SGMS1: variants seen among roughly 807,000 people sequenced by gnomAD.
SGMS1 encodes the protein phosphatidylcholine:ceramide cholinephosphotransferase 1.
A neutral mutation model predicts 46.2 loss-of-function variants in SGMS1; 13 were observed. The observed-to-expected ratio is 0.28, with a 90% CI of 0.18 to 0.45. The LOEUF is 0.45. Among genes scored for constraint, SGMS1 ranks in the 20% least tolerant of loss-of-function variants. SGMS1 has a pLI of 1.00. For missense variants in SGMS1, 324 were observed against 519.9 expected (o/e 0.62, Z 3.66); for synonymous variants, 203 against 187.8 (o/e 1.08, Z -0.66).
chr10:50,308,467 T>C (rs760904115), intron 9 of SGMS1, among the ~76,000 whole-genome samples: 15 of 152,178 alleles, frequency 9.9e-5, no homozygotes, highest in African/African-American at 1.2e-4. Context: ...AAACTGTCCA[T>C]TGACATTTAA....
rs550893662 is a variant in SGMS1, at chr10:50,386,235, T to C, written c.-231-41890A>G. ...TCTGCATGAAGAATTATAAAACTAA[T>C]TATTGTGTCGCAGCCTTTCTGGATT... is the stretch of plus-strand genomic sequence containing the variant. On this transcript the variant is annotated intron_variant, in intron 6 of 10. Transcript: ENST00000361781. Among the ~76,000 whole-genome samples, 10 of 152,286 alleles carry C rather than the reference T, an allele frequency of 6.6e-5. No homozygotes were observed. In the South Asian group the frequency reaches 2.1e-3, roughly 32 times the overall value.
chr10:50,374,370 C>G (rs1009146150), intron 6 of SGMS1, among the ~76,000 whole-genome samples: 1 of 152,124 alleles, frequency 6.6e-6, no homozygotes, highest in African/African-American at 2.4e-5. Context: ...CTGTCATTTG[C>G]TCTGGCAAAG....
chr10:50,355,039 C>G (rs1259248645), intron 6 of SGMS1, among the ~76,000 whole-genome samples: 4 of 152,186 alleles, frequency 2.6e-5, no homozygotes, highest in Non-Finnish European at 5.9e-5. Flanking sequence ...TGTGATGATT[C>G]CTCAGGGATC....
intron 3 of SGMS1, among the ~76,000 whole-genome samples, chr10:50,517,913 T>C (rs1034095396): frequency 6.6e-6 from 1 of 152,078 alleles, no homozygotes; most frequent in Admixed American, 6.6e-5. Flanking sequence ...CTAAGAGCTG[T>C]AAGAGTGAAA....
intron 2 of SGMS1, among the ~76,000 whole-genome samples, chr10:50,589,098 T>C (rs1193362733): frequency 6.6e-6 from 1 of 152,060 alleles, no homozygotes; most frequent in Non-Finnish European, 1.5e-5. Flanking sequence ...GACCTAACCA[T>C]GAAACATCAG....
chr10:50,489,345 C>T (rs563368730), intron 3 of SGMS1, among the ~76,000 whole-genome samples: 2 of 152,336 alleles, frequency 1.3e-5, no homozygotes, highest in African/African-American at 4.8e-5. Flanking sequence ...CATGTGGATG[C>T]TTTCAAATGA....
At chr10:50,521,724 T>C (rs1837858233) in intron 2 of SGMS1, among the ~76,000 whole-genome samples, 1 of 152,202 alleles carries the variant, frequency 6.6e-6, no homozygotes, top group Non-Finnish European at 1.5e-5. Context: ...AGGTGATTCC[T>C]GAGGATTCAG....
At chr10:50,311,465 A>G (rs757389433) in intron 8 of SGMS1, 50 bp from the exon 9 acceptor site, 14 of 1,569,130 alleles carry the variant, frequency 8.9e-6, no homozygotes, top group East Asian at 2.3e-5. Context: ...ACGAGCCCAC[A>G]TGAAAATGTG....
chr10:50,522,613 C>T (rs1191492846), intron 2 of SGMS1, among the ~76,000 whole-genome samples: 4 of 152,158 alleles, frequency 2.6e-5, no homozygotes, highest in Admixed American at 2.6e-4. Flanking sequence ...TCCTCTTGAT[C>T]CTGCCAAGCT....
At chr10:50,373,303 C>G (rs903744068) in intron 6 of SGMS1, among the ~76,000 whole-genome samples, 2 of 152,168 alleles carry the variant, frequency 1.3e-5, no homozygotes, top group African/African-American at 4.8e-5. Flanking sequence ...ATGGCATGTC[C>G]TTAATTATTC....
chr10:50,451,024 T>C (rs1383077551), intron 5 of SGMS1, among the ~76,000 whole-genome samples: 1 of 152,080 alleles, frequency 6.6e-6, no homozygotes, highest in African/African-American at 2.4e-5. Flanking sequence ...TCTGAAAATA[T>C]TTATAACATG....
intron 2 of SGMS1, among the ~76,000 whole-genome samples, chr10:50,581,484 T>G (rs951611684): frequency 6.6e-6 from 1 of 152,204 alleles, no homozygotes; most frequent in African/African-American, 2.4e-5. Context: ...CTTTTGTTGC[T>G]GACATTACAG....
intron 6 of SGMS1, among the ~76,000 whole-genome samples, chr10:50,394,210 C>T (rs906612497): frequency 6.6e-6 from 1 of 152,172 alleles, no homozygotes; most frequent in African/African-American, 2.4e-5. Context: ...ATCCCTGAGC[C>T]AAATGTTACA....
chr10:50,323,149 A>T (rs535682348), intron 8 of SGMS1, among the ~76,000 whole-genome samples: 2 of 152,170 alleles, frequency 1.3e-5, no homozygotes, highest in South Asian at 4.1e-4. Flanking sequence ...TCTCTGAGCG[A>T]TTATATTTTG....
chr10:50,590,822 A>C (rs1838533664), intron 1 of SGMS1: 1 of 152,220 alleles, frequency 6.6e-6, no homozygotes, highest in South Asian at 2.1e-4. Flanking sequence ...TCTTCATCTT[A>C]TAGCTGAAGG....
In SGMS1 at chr10:50,442,191, T is replaced by G. The variant is rs576389151; in HGVS notation, c.-312-8635A>C. The stretch of plus-strand genomic sequence containing the variant: ...TGACTTTTTCTGCTGTAGATTTTTT[T>G]TTTTTTTACTTTTGAGTTCAGGGGT... On this transcript the variant is annotated intron_variant, in intron 5 of 10. Transcript: ENST00000361781. Among the ~76,000 whole-genome samples, 14 of 151,990 alleles carry G rather than the reference T, an allele frequency of 9.2e-5. 1 individual carries two copies. The South Asian group carries it at 2.7e-3, about 29-fold the overall frequency.
chr10:50,498,127 A>G (rs1231198318), intron 3 of SGMS1, among the ~76,000 whole-genome samples: 2 of 152,198 alleles, frequency 1.3e-5, no homozygotes, highest in Non-Finnish European at 2.9e-5. Flanking sequence ...AGGGAAATAT[A>G]ACTCAAGGTC....
intron 1 of SGMS1, among the ~76,000 whole-genome samples, chr10:50,591,061 A>G (rs1013782316): frequency 6.6e-6 from 1 of 152,136 alleles, no homozygotes; most frequent in Admixed American, 6.5e-5. Flanking sequence ...CAGTATACTC[A>G]ACTACAATAC....
chr10:50,599,615 A>G (rs1838630160), intron 1 of SGMS1, among the ~76,000 whole-genome samples: 1 of 152,212 alleles, frequency 6.6e-6, no homozygotes, highest in African/African-American at 2.4e-5. Context: ...CTGTAATCCC[A>G]TGACTGTGGG....
Sources: gnomAD v4.1 joint callset for allele counts (sites outside exome capture counted in the v4.1 genomes callset) on GRCh38, gnomAD v4.1.1 for gene constraint, MANE v1.5 for transcripts, NCBI Gene and HGNC (gene_info 2026-07-23, HGNC 2026-07-21) for gene names.